The following CRACD variants were observed in gnomAD, a reference collection of about 807,000 sequenced individuals.
CRACD encodes the protein capping protein inhibiting regulator of actin dynamics.
CRACD carries 56 observed loss-of-function variants against 106.8 expected under a neutral mutation model. That is an observed-to-expected ratio of 0.52 (90% CI 0.42 to 0.66). The LOEUF (loss-of-function observed/expected upper bound fraction) is 0.66, where lower values mean the gene tolerates loss of function less well. Among genes scored for constraint, CRACD ranks in the 30% least tolerant of loss-of-function variants. CRACD has a pLI of 0.00. For missense variants in CRACD, 1,730 were observed against 1,623.2 expected (o/e 1.07, Z -1.13); for synonymous variants, 754 against 670.8 (o/e 1.12, Z -1.92).
intron 2 of CRACD, among the ~76,000 whole-genome samples, chr4:56,197,786 T>G (rs1427563377): frequency 6.6e-6 from 1 of 152,058 alleles, no homozygotes; most frequent in Non-Finnish European, 1.5e-5. Context: ...CACGCCGTTC[T>G]CCTGCCTCAG....
chr4:56,075,298 C>T (rs58795379), intron 1 of CRACD, among the ~76,000 whole-genome samples: 54,154 of 151,830 alleles, frequency 0.36, 10,197 homozygotes, highest in African/African-American at 0.48. Context: ...AGAATTTGGC[C>T]GTGAATCCGT....
intron 1 of CRACD, among the ~76,000 whole-genome samples, chr4:56,169,524 A>G (rs4865060): frequency 0.82 from 124,148 of 152,036 alleles, 51,339 homozygotes; most frequent in African/African-American, 0.95. Context: ...TTGAGACAGG[A>G]TCTGGCTCTG....
chr4:56,327,780 C>G lies in CRACD; in HGVS notation c.3678C>G (p.Ser1226Arg). ...CCAAAAGGAAAGCAAAGGCTTGGAG[C>G]GACTGTCCACAGATTATTAAGTAAA... ...ALAKRKAKAW[S>R]DCPQIIK Residue 1226 changes from serine (S) to arginine (R), a missense_variant, in exon 11 of 11, where the codon AGC becomes AGG. Around this residue, in one of 5 missense-constraint regions of CRACD, gnomAD observed 15 missense variants for 16.1 expected, o/e 0.93. Transcript: ENST00000682029. 1 of 1,614,108 alleles carries G rather than the reference C, an allele frequency of 6.2e-7. No individual in the cohort carries two copies. Among genetic ancestry groups the G allele is most frequent in the Non-Finnish European group, 8.5e-7 (1 of 1,179,972 alleles).
chr4:56,151,027 C>T (rs960859269), intron 1 of CRACD, among the ~76,000 whole-genome samples: 3 of 152,214 alleles, frequency 2.0e-5, no homozygotes, highest in Admixed American at 6.5e-5. Context: ...GACGAAGTGT[C>T]GCTCTGTTGT....
At chr4:56,094,242 T>G (rs1314044847) in intron 1 of CRACD, among the ~76,000 whole-genome samples, 2 of 152,230 alleles carry the variant, frequency 1.3e-5, no homozygotes, top group African/African-American at 4.8e-5. Flanking sequence ...GAATCCTTGC[T>G]GTCTCAAGGA....
intron 1 of CRACD, among the ~76,000 whole-genome samples, chr4:56,164,586 A>C (rs1301985555): frequency 6.6e-6 from 1 of 152,216 alleles, no homozygotes; most frequent in Non-Finnish European, 1.5e-5. Flanking sequence ...GATTTCATGT[A>C]TATGACATTT....
chr4:56,191,211 A>G (rs745785949), intron 2 of CRACD, among the ~76,000 whole-genome samples: 2 of 152,222 alleles, frequency 1.3e-5, no homozygotes, highest in African/African-American at 2.4e-5. Context: ...AGTTCTAGAG[A>G]TCAGAAGTCT....
rs186720220 is a variant in CRACD, at chr4:56,231,741, C to G, written c.-188-40580C>G. Reference sequence around the variant, plus strand: ...GGAAAAACCAAGTCAGGATAGGGAGCATGAGAAGAATTCTAGATGCTGCTG... The same window carrying G: ...GGAAAAACCAAGTCAGGATAGGGAGGATGAGAAGAATTCTAGATGCTGCTG... On this transcript the variant is annotated intron_variant, in intron 2 of 10. Transcript: ENST00000682029. Among the ~76,000 whole-genome samples, 16 of 152,306 alleles carry G rather than the reference C, an allele frequency of 1.1e-4. No homozygotes were observed. The East Asian group carries it at 2.7e-3, about 26-fold the overall frequency.
intron 1 of CRACD, among the ~76,000 whole-genome samples, chr4:56,072,635 T>TGGGATACATG (rs1221867354): frequency 6.6e-6 from 1 of 152,132 alleles, no homozygotes; most frequent in Non-Finnish European, 1.5e-5. Flanking sequence ...CTTTAAGTCC[T>TGGGATACATG]GGGATACATG....
At chr4:56,120,255 C>T (rs1283898471) in intron 1 of CRACD, among the ~76,000 whole-genome samples, 1 of 152,036 alleles carries the variant, frequency 6.6e-6, no homozygotes, top group African/African-American at 2.4e-5. Flanking sequence ...TGTCACTGGT[C>T]ATGTTTTCAT....
At chr4:56,168,598 T>C (rs1335359880) in intron 1 of CRACD, among the ~76,000 whole-genome samples, 3 of 151,096 alleles carry the variant, frequency 2.0e-5, no homozygotes, top group African/African-American at 7.3e-5. Context: ...TATTCACATA[T>C]ATATGTCATT....
Position 56,316,174 on chromosome 4 carries a change from G to A in CRACD, c.2672G>A (p.Gly891Glu), listed in dbSNP as rs370003322. ...AGPPAAGSAR[G>E]EKEMEGVALK... is the part of the protein sequence containing the mutation. The stretch of plus-strand genomic sequence containing the variant: ...CCGCCTGCAGCGGGGAGCGCTCGTG[G>A]AGAGAAAGAGATGGAGGGTGTGGCC... The change falls in exon 8 of 11, where the codon GGA becomes GAA. Residue 891 changes from glycine to glutamate, a missense_variant. Gly to Glu is a moderately conservative substitution (Grantham distance 98). Transcript: ENST00000682029. The A allele has an allele frequency of 1.4e-5, 22 of 1,614,030 alleles. No homozygotes were observed. Among genetic ancestry groups the A allele is most frequent in the Non-Finnish European group, 1.8e-5 (21 of 1,180,024 alleles).
chr4:56,101,801 A>G (rs966902279), intron 1 of CRACD, among the ~76,000 whole-genome samples: 1 of 151,532 alleles, frequency 6.6e-6, no homozygotes, highest in Non-Finnish European at 1.5e-5. Context: ...TAAACAATGT[A>G]TGATACGATT....
intron 4 of CRACD, among the ~76,000 whole-genome samples, chr4:56,305,260 A>G (rs1365264689): frequency 6.6e-6 from 1 of 152,146 alleles, no homozygotes; most frequent in African/African-American, 2.4e-5. Flanking sequence ...AAGCACAAGA[A>G]ATGTCCTCAT....
At chr4:56,129,880 A>C (rs1309075532) in intron 1 of CRACD, among the ~76,000 whole-genome samples, 1 of 152,202 alleles carries the variant, frequency 6.6e-6, no homozygotes, top group African/African-American at 2.4e-5. Flanking sequence ...CTGTACCATG[A>C]GGGATGACTG....
At chr4:56,156,089 A>G (rs1424161662) in intron 1 of CRACD, among the ~76,000 whole-genome samples, 1 of 152,118 alleles carries the variant, frequency 6.6e-6, no homozygotes, top group Non-Finnish European at 1.5e-5. Context: ...TCAGACTCCC[A>G]GTAGCTGGGA....
intron 2 of CRACD, among the ~76,000 whole-genome samples, chr4:56,269,562 CT>C (rs56162079): frequency 0.013 from 1,425 of 112,094 alleles, 22 homozygotes; most frequent in African/African-American, 0.046. Flanking sequence ...AGGTGCCACA[CT>C]TTTTTTTTTT....
At chr4:56,205,120 C>T (rs1451633620) in intron 2 of CRACD, among the ~76,000 whole-genome samples, 1 of 152,110 alleles carries the variant, frequency 6.6e-6, no homozygotes, top group Non-Finnish European at 1.5e-5. Flanking sequence ...CACACCACTG[C>T]ACTCTAGCCT....
chr4:56,141,952 C>T (rs1022681422), intron 1 of CRACD, among the ~76,000 whole-genome samples: 1 of 151,934 alleles, frequency 6.6e-6, no homozygotes, highest in Non-Finnish European at 1.5e-5. Flanking sequence ...CCTTGGCTTC[C>T]CAAAGTGCTA....
Sources: gnomAD v4.1 joint callset for allele counts (sites outside exome capture counted in the v4.1 genomes callset) on GRCh38, gnomAD v4.1.1 for gene constraint, gnomAD v4.1.1 regional missense constraint, MANE v1.5 for transcripts, NCBI Gene and HGNC (gene_info 2026-07-23, HGNC 2026-07-21) for gene names.